The following TOX variants were observed in gnomAD, a reference collection of about 807,000 sequenced individuals.
TOX encodes the protein thymocyte selection associated high mobility group box.
Under a neutral mutation model 53.7 loss-of-function variants are expected in TOX, and 11 were observed. The ratio of observed to expected loss-of-function variants is 0.20; its 90% confidence interval spans 0.13 to 0.34. The LOEUF (loss-of-function observed/expected upper bound fraction) is 0.34. Ranked by LOEUF, TOX falls within the 10% of genes least tolerant of loss-of-function variation. The pLI is 1.00. For missense variants in TOX, 570 were observed against 664.6 expected (o/e 0.86, Z 1.56); for synonymous variants, 225 against 245.3 (o/e 0.92, Z 0.77).
chr8:58,982,706 T>C (rs1176762965), intron 1 of TOX, among the ~76,000 whole-genome samples: 2 of 152,230 alleles, frequency 1.3e-5, no homozygotes, highest in African/African-American at 2.4e-5. Context: ...AACTGATCTC[T>C]TCTATCCCCT....
intron 1 of TOX, among the ~76,000 whole-genome samples, chr8:59,044,871 C>T (rs796213970): frequency 6.6e-6 from 1 of 152,114 alleles, no homozygotes; most frequent in Non-Finnish European, 1.5e-5. Context: ...AAGGAAAAAC[C>T]AACAGATTAA....
chr8:58,895,429 T>C (rs1360986642), intron 3 of TOX, among the ~76,000 whole-genome samples: 5 of 152,228 alleles, frequency 3.3e-5, no homozygotes, highest in African/African-American at 1.2e-4. Context: ...CTCATTTTTG[T>C]ATAACTATTG....
In TOX at chr8:58,924,113, G is replaced by A. The variant is rs574391650; in HGVS notation, c.411+15189C>T. 5.3e-5 allele frequency among the ~76,000 whole-genome samples: 8 copies of A among 152,212 alleles called. No homozygotes were observed. The East Asian group carries it at 7.7e-4, about 15-fold the overall frequency. ...AGGCTGCTAGTACTACAGTAATTTC[G>A]GCTGTGTTCACAAATAGAAAATGAT... is the stretch of plus-strand genomic sequence containing the variant. On this transcript the variant is annotated intron_variant, in intron 3 of 8. Coordinates refer to ENST00000361421, the MANE Select transcript of TOX (RefSeq NM_014729.3).
intron 7 of TOX, 132 bp from the exon 8 acceptor site, chr8:58,808,401 A>AG (rs1437426843): frequency 8.8e-7 from 1 of 1,130,994 alleles, no homozygotes; most frequent in Non-Finnish European, 1.2e-6. Context: ...AGCCTGTCGG[A>AG]AGAGCCCAGA....
chr8:59,098,518 G>A (rs527355584), intron 1 of TOX, among the ~76,000 whole-genome samples: 4 of 152,000 alleles, frequency 2.6e-5, no homozygotes, highest in Admixed American at 2.6e-4. Flanking sequence ...GATGGAGCCG[G>A]CTGACAGAAG....
intron 2 of TOX, among the ~76,000 whole-genome samples, chr8:58,947,609 A>G (rs1287779969): frequency 6.6e-6 from 1 of 152,212 alleles, no homozygotes; most frequent in African/African-American, 2.4e-5. Context: ...ATACTAGGAA[A>G]AAAAAGACAC....
At chr8:58,895,128 C>T (rs959984606) in intron 3 of TOX, among the ~76,000 whole-genome samples, 1 of 152,002 alleles carries the variant, frequency 6.6e-6, no homozygotes, top group East Asian at 1.9e-4. Context: ...GGGGAGGTTG[C>T]ACTGAGTGGA....
At chr8:58,971,019 C>A (rs965015575) in intron 1 of TOX, among the ~76,000 whole-genome samples, 4 of 152,218 alleles carry the variant, frequency 2.6e-5, no homozygotes, top group Admixed American at 6.5e-5. Context: ...TTTAAATAGT[C>A]TGAAAAGTAG....
intron 1 of TOX, among the ~76,000 whole-genome samples, chr8:58,990,249 A>G (rs1312525480): frequency 6.6e-6 from 1 of 152,132 alleles, no homozygotes; most frequent in Non-Finnish European, 1.5e-5. Flanking sequence ...ATAGAAATTC[A>G]GATGGGATTT....
chr8:59,109,261 C>G (rs747262442), intron 1 of TOX, among the ~76,000 whole-genome samples: 1 of 152,074 alleles, frequency 6.6e-6, no homozygotes, highest in Non-Finnish European at 1.5e-5. Context: ...AACAACCCGA[C>G]ACTAATTCAG....
chr8:59,118,590 T>C lies in TOX; in HGVS notation c.102+296A>G, dbSNP rs1184829867. ...CAAAGTATTCCACGGTTTTCTCTTATTATTTTTTTAAACGCCCCCCGGCAA... is the reference window on the plus strand; with the variant it reads ...CAAAGTATTCCACGGTTTTCTCTTACTATTTTTTTAAACGCCCCCCGGCAA... On this transcript the variant is annotated intron_variant, in intron 1 of 8. Transcript: ENST00000361421. The surrounding 1 kb of genome is among the most constrained non-coding windows in gnomAD (Gnocchi z 4.1). Among the ~76,000 whole-genome samples, 2 of 152,172 alleles carry C rather than the reference T, an allele frequency of 1.3e-5. No individual in the cohort carries two copies. The highest frequency in any genetic ancestry group is 2.4e-5 in the African/African-American group (1 of 41,454).
At chr8:59,073,711 G>A (rs1253931544) in intron 1 of TOX, among the ~76,000 whole-genome samples, 2 of 152,072 alleles carry the variant, frequency 1.3e-5, no homozygotes, top group African/African-American at 2.4e-5. Context: ...TAGAAATCAA[G>A]AGCCTTCCCT....
At chr8:58,870,972 C>A (rs762565013) in intron 3 of TOX, among the ~76,000 whole-genome samples, 8 of 151,980 alleles carry the variant, frequency 5.3e-5, no homozygotes, top group Non-Finnish European at 8.8e-5. Flanking sequence ...TATGTTCATA[C>A]CAAAACCTGC....
chr8:59,066,765 A>C (rs970043010), intron 1 of TOX, among the ~76,000 whole-genome samples: 8 of 152,232 alleles, frequency 5.3e-5, no homozygotes, highest in Non-Finnish European at 8.8e-5. Context: ...GAAGTGAACG[A>C]AAGTTCTCCC....
intron 1 of TOX, among the ~76,000 whole-genome samples, chr8:59,019,094 G>T (rs1585967545): frequency 6.6e-6 from 1 of 152,110 alleles, no homozygotes; most frequent in East Asian, 1.9e-4. Flanking sequence ...TTCATAGGTA[G>T]ATCCTGATTA....
chr8:58,878,292 T>C (rs1005020434), intron 3 of TOX, among the ~76,000 whole-genome samples: 20 of 152,162 alleles, frequency 1.3e-4, no homozygotes, highest in African/African-American at 4.3e-4. Context: ...GTAGGACAGA[T>C]GGCCAACTCC....
At chr8:58,890,891 A>G (rs1295043591) in intron 3 of TOX, among the ~76,000 whole-genome samples, 1 of 152,108 alleles carries the variant, frequency 6.6e-6, no homozygotes, top group Non-Finnish European at 1.5e-5. Context: ...GGTGGTGTTC[A>G]CACTTAAGAC....
At chr8:59,056,246 C>A (rs1335052029) in intron 1 of TOX, among the ~76,000 whole-genome samples, 1 of 151,508 alleles carries the variant, frequency 6.6e-6, no homozygotes, top group East Asian at 1.9e-4. Flanking sequence ...GGCAACATAG[C>A]AAAACCTCAT....
chr8:58,826,702 T>G, intron 6 of TOX, 120 bp downstream of exon 6: 1 of 855,078 alleles, frequency 1.2e-6, no homozygotes, highest in Non-Finnish European at 1.7e-6. Context: ...ATTTACTTTT[T>G]TTTCCAACAA....
Sources: gnomAD v4.1 joint callset for allele counts (sites outside exome capture counted in the v4.1 genomes callset) on GRCh38, gnomAD v4.1.1 for gene constraint, Gnocchi (gnomAD v3.1) non-coding constraint, MANE v1.5 for transcripts, NCBI Gene and HGNC (gene_info 2026-07-23, HGNC 2026-07-21) for gene names.